PLCB4: variants seen among roughly 807,000 people sequenced by gnomAD.
PLCB4 encodes the protein phospholipase C beta 4.
Under a neutral mutation model 178.8 loss-of-function variants are expected in PLCB4, and 77 were observed. The observed-to-expected ratio is 0.43, with a 90% CI of 0.36 to 0.52. The LOEUF (loss-of-function observed/expected upper bound fraction) is 0.52, where lower values mean the gene tolerates loss of function less well. Among genes scored for constraint, PLCB4 ranks in the 20% least tolerant of loss-of-function variants. PLCB4 has a pLI of 0.00. For synonymous variants in PLCB4, 496 were observed against 490.8 expected, an observed-to-expected ratio of 1.01 and a Z score of -0.14; for missense variants, 1,024 against 1,453.4, an observed-to-expected ratio of 0.70 and a Z score of 4.80.
intron 30 of PLCB4, among the ~76,000 whole-genome samples, chr20:9,438,685 A>T (rs1321810398): frequency 2.0e-5 from 3 of 152,190 alleles, no homozygotes; most frequent in Non-Finnish European, 4.4e-5. Flanking sequence ...ATGAATGGGG[A>T]AAAAAGAGAA....
At chr20:9,244,882 GTCT>G (rs1286961799) in intron 3 of PLCB4, among the ~76,000 whole-genome samples, 2 of 152,254 alleles carry the variant, frequency 1.3e-5, no homozygotes, top group African/African-American at 4.8e-5. Flanking sequence ...TAAGTATTTA[GTCT>G]TCTTCTTGAG....
At chr20:9,132,847 C>T (rs1406335022) in intron 2 of PLCB4, among the ~76,000 whole-genome samples, 1 of 152,164 alleles carries the variant, frequency 6.6e-6, no homozygotes, top group Non-Finnish European at 1.5e-5. Flanking sequence ...GGGCATCTGA[C>T]ATTGGAGACA....
chr20:9,395,134 T>A (rs942386451), intron 18 of PLCB4, among the ~76,000 whole-genome samples: 1 of 152,236 alleles, frequency 6.6e-6, no homozygotes, highest in Non-Finnish European at 1.5e-5. Flanking sequence ...AACCTGCCTA[T>A]TTTCTATCAG....
rs559031821 is a variant in PLCB4, at chr20:9,415,177, A to T, written c.2051+4089A>T. On this transcript the variant is annotated intron_variant, in intron 25 of 39. Coordinates refer to ENST00000378473, the MANE Select transcript of PLCB4 (RefSeq NM_001377142.1). ...TTTTATGTTTATTGGCTATTTGGATATTCTGTTTTGTGAAGAACTTCTACT... is the reference window on the plus strand; with the variant it reads ...TTTTATGTTTATTGGCTATTTGGATTTTCTGTTTTGTGAAGAACTTCTACT... Among the ~76,000 whole-genome samples the T allele has an allele frequency of 2.0e-5, 3 of 152,174 alleles. No homozygotes were observed. The East Asian group carries it at 5.8e-4, about 29-fold the overall frequency.
chr20:9,236,425 C>G (rs2093993754), intron 3 of PLCB4, among the ~76,000 whole-genome samples: 1 of 152,144 alleles, frequency 6.6e-6, no homozygotes, highest in East Asian at 1.9e-4. Flanking sequence ...TCTTTTCAGG[C>G]TTTTCCTTTT....
rs1555809658 is a variant in PLCB4 at position 9,074,791 on chromosome 20, C to CCTT, written c.-135+5585_-135+5586insCTT. Among the ~76,000 whole-genome samples, 52 of 64,446 alleles carry CCTT rather than the reference C, an allele frequency of 8.1e-4. 2 individuals carry two copies. In the South Asian group the frequency reaches 0.026, roughly 32 times the overall value. 42.3% of individuals were successfully genotyped at this position (64,446 alleles called of 152,430 possible). ...CCAGGGTATCTGTCTCCCAGCTAGG[C>CCTT]TTTTTTTTTTTTTTTTAAACAAAAC... On this transcript the variant is annotated intron_variant, in intron 1 of 39. Transcript: ENST00000378473.
At position 9,453,360 on chromosome 20, in the gene PLCB4, T is replaced by C. The variant is rs2042882461; in HGVS notation, c.2894T>C (p.Met965Thr). 5 of 1,606,586 alleles carry C rather than the reference T, an allele frequency of 3.1e-6. No homozygotes were observed. The highest frequency in any genetic ancestry group is 4.3e-6 in the Non-Finnish European group (5 of 1,173,528). Reference sequence around the variant, plus strand: ...CTTCTTGTTCAGGAACACAGTACCATGCAGAAGTTACACTGCACGCAAGTT... The same window carrying C: ...CTTCTTGTTCAGGAACACAGTACCACGCAGAAGTTACACTGCACGCAAGTT... ...KKKHAKEHSTMQKLHCTQVDK... is the reference protein window; with the variant it reads ...KKKHAKEHSTTQKLHCTQVDK... The change falls in exon 33 of 40, where the codon ATG (methionine) becomes ACG (threonine). Residue 965 changes from methionine (M) to threonine (T), a missense_variant. Physicochemically the swap from Met to Thr is moderately conservative, Grantham distance 81. Around this residue, in one of 7 missense-constraint regions of PLCB4, gnomAD observed 264 missense variants for 283.2 expected, o/e 0.93. Transcript: ENST00000378473.
chr20:9,360,227 G>A (rs903939773), intron 7 of PLCB4, among the ~76,000 whole-genome samples: 1 of 152,206 alleles, frequency 6.6e-6, no homozygotes, highest in Non-Finnish European at 1.5e-5. Context: ...TAGGGCTTCT[G>A]AGGATGCTGG....
intron 2 of PLCB4, among the ~76,000 whole-genome samples, chr20:9,152,831 G>A (rs879258143): frequency 7.2e-5 from 11 of 152,160 alleles, no homozygotes; most frequent in Admixed American, 1.3e-4. Flanking sequence ...AACACTCAAT[G>A]CCAGCCCATG....
chr20:9,443,216 A>T (rs1045296778), intron 30 of PLCB4, among the ~76,000 whole-genome samples: 8 of 152,376 alleles, frequency 5.3e-5, no homozygotes, highest in African/African-American at 1.9e-4. Context: ...TCAATAGCAC[A>T]TTGCTTAAAT....
At chr20:9,358,633 G>A (rs975301210) in intron 7 of PLCB4, among the ~76,000 whole-genome samples, 8 of 152,068 alleles carry the variant, frequency 5.3e-5, no homozygotes, top group African/African-American at 1.5e-4. Flanking sequence ...GGTGGCTCAC[G>A]CCTGTAGTTC....
chr20:9,338,052 G>A lies in PLCB4; in HGVS notation c.210G>A (p.Ser70=), dbSNP rs757152603. 2.3e-5 allele frequency: 37 copies of A among 1,610,378 alleles called. No individual in the cohort carries two copies. Among genetic ancestry groups the A allele is most frequent in the Admixed American group, 5.0e-5 (3 of 59,896 alleles). ...LECSLINSIR[S]GAIPKDPKIL... ...GCTCCCTCATCAACAGTATTCGGTC[G>A]GGAGCCATACCAAAGGTACCTGTGA... Residue 70 remains serine, a synonymous_variant, in exon 6 of 40, where the codon TCG becomes TCA. Coordinates refer to ENST00000378473, the MANE Select transcript of PLCB4 (RefSeq NM_001377142.1).
At chr20:9,299,260 G>T (rs528282176) in intron 3 of PLCB4, among the ~76,000 whole-genome samples, 1 of 152,040 alleles carries the variant, frequency 6.6e-6, no homozygotes, top group East Asian at 1.9e-4. Context: ...TATATGAAAA[G>T]AAACAAGTTT....
chr20:9,070,561 G>C (rs575319235), intron 1 of PLCB4, among the ~76,000 whole-genome samples: 1 of 152,190 alleles, frequency 6.6e-6, no homozygotes, highest in Admixed American at 6.5e-5. Flanking sequence ...ATCCTTAGCT[G>C]GTGTATTGAT....
intron 2 of PLCB4, among the ~76,000 whole-genome samples, chr20:9,111,800 G>A (rs1343627065): frequency 6.6e-6 from 1 of 152,140 alleles, no homozygotes; most frequent in African/African-American, 2.4e-5. Context: ...CCTGCTCCAA[G>A]TAACTCTCAT....
chr20:9,401,630 A>C (rs542003631), intron 20 of PLCB4, 40 bp downstream of exon 20: 71 of 1,353,146 alleles, frequency 5.2e-5, no homozygotes, highest in Non-Finnish European at 7.2e-5. Flanking sequence ...AAGAGGTAGC[A>C]GCTGTTATTT....
At chr20:9,365,347 A>AT (rs2035684943) in intron 8 of PLCB4, 114 bp from the exon 9 acceptor site, 1 of 668,608 alleles carries the variant, frequency 1.5e-6, no homozygotes, top group Non-Finnish European at 2.6e-6. Flanking sequence ...TAATTGTCTG[A>AT]TTTTCAGAAC....
chr20:9,467,816 C>T (rs1449536074), intron 35 of PLCB4, among the ~76,000 whole-genome samples: 1 of 152,138 alleles, frequency 6.6e-6, no homozygotes, highest in Non-Finnish European at 1.5e-5. Flanking sequence ...TGCTTGTATG[C>T]TGGTTTCCAG....
At position 9,479,065 on chromosome 20, in the gene PLCB4, T is replaced by C. The variant is rs889146883; in HGVS notation, c.*56T>C. ...CACTCACAAACTTCTGAACACAAAC[T>C]CCATGGATGAAAGCTGTTTATTTTG... On this transcript the variant is annotated 3_prime_UTR_variant, in exon 40 of 40. Coordinates refer to ENST00000378473, the MANE Select transcript of PLCB4 (RefSeq NM_001377142.1). The C allele has an allele frequency of 1.0e-5, 12 of 1,182,566 alleles. No homozygotes were observed. The highest frequency in any genetic ancestry group is 1.4e-5 in the Non-Finnish European group (11 of 794,012). The allele number at this position is 1,182,566 out of a possible 1,614,324, so 73.3% of individuals were successfully genotyped here.
Sources: allele counts gnomAD v4.1 joint callset (sites outside exome capture counted in the v4.1 genomes callset), GRCh38; gene constraint gnomAD v4.1.1; regional missense constraint gnomAD v4.1.1; transcripts MANE v1.5; gene names NCBI Gene and HGNC (gene_info 2026-07-23, HGNC 2026-07-21).